Variants in EYA2 observed in about 807,000 individuals in gnomAD.
EYA2 encodes protein phosphatase EYA2.
In EYA2, 31 loss-of-function variants were observed where a neutral mutation model predicts 69.2. That is an observed-to-expected ratio of 0.45 (90% CI 0.34 to 0.60). The LOEUF (loss-of-function observed/expected upper bound fraction) is 0.60. Among genes scored for constraint, EYA2 ranks in the 20% least tolerant of loss-of-function variants. The pLI is 0.02. For missense variants in EYA2, 622 were observed against 701.2 expected (o/e 0.89, Z 1.28); for synonymous variants, 257 against 279.4 (o/e 0.92, Z 0.80).
chr20:46,982,699 C>T (rs902833905), intron 1 of EYA2, among the ~76,000 whole-genome samples: 2 of 151,918 alleles, frequency 1.3e-5, no homozygotes, highest in Non-Finnish European at 2.9e-5. Context: ...CTTTCATCTG[C>T]TACATCCAGT....
chr20:47,130,261 C>CTTTTTTTTTTTTTTTTG (rs2033306437), intron 9 of EYA2, among the ~76,000 whole-genome samples: 1 of 81,260 alleles, frequency 1.2e-5, no homozygotes, highest in Non-Finnish European at 2.2e-5. Flanking sequence ...GGTTTATTTT[C>CTTTTTTTTTTTTTTTTG]TTTTTTTTTT....
intron 1 of EYA2, among the ~76,000 whole-genome samples, chr20:46,940,245 C>A (rs1051283208): frequency 1.3e-5 from 2 of 152,212 alleles, no homozygotes; most frequent in Non-Finnish European, 1.5e-5. Context: ...GTATTGAGCA[C>A]TTACTGTGTG....
At position 47,091,601 on chromosome 20, in the gene EYA2, C is replaced by T. The variant is rs567652684; in HGVS notation, c.804+2220C>T. Among the ~76,000 whole-genome samples the T allele has an allele frequency of 4.2e-3, 609 of 144,058 alleles. 3 individuals are homozygous for T. Among genetic ancestry groups the T allele is most frequent in the African/African-American group, 0.015 (581 of 39,364 alleles). The allele number at this position is 144,058 out of a possible 152,430, so 94.5% of individuals were successfully genotyped here. A position where few individuals can be genotyped will look rare whatever the true frequency, so the allele number is the denominator to read the frequency against. On this transcript the variant is annotated intron_variant, in intron 8 of 15. Transcript: ENST00000327619. ...CAAAAAAAAAAAAAAAAAAAAAAGC[C>T]AGCCATGGTGGCACACACCTGTAGT... is the stretch of plus-strand genomic sequence containing the variant.
chr20:47,063,396 T>C (rs1350140675), intron 5 of EYA2, among the ~76,000 whole-genome samples: 199 of 75,132 alleles, frequency 2.6e-3, no homozygotes, highest in African/African-American at 0.011. Context: ...CGTGTGCGTG[T>C]GTGTGTGTGT....
chr20:46,909,432 G>A (rs1203487383), intron 1 of EYA2, among the ~76,000 whole-genome samples: 4 of 152,074 alleles, frequency 2.6e-5, no homozygotes, highest in African/African-American at 7.2e-5. Flanking sequence ...TGAAATCATC[G>A]TCGGCCTCCC....
chr20:46,963,701 C>A (rs1979618989), intron 1 of EYA2, among the ~76,000 whole-genome samples: 1 of 152,236 alleles, frequency 6.6e-6, no homozygotes, highest in Non-Finnish European at 1.5e-5. Flanking sequence ...CAAGGTGGTT[C>A]TGATGTGCAA....
chr20:47,064,046 C>T (rs550733610), intron 5 of EYA2, among the ~76,000 whole-genome samples: 1 of 152,336 alleles, frequency 6.6e-6, no homozygotes, highest in African/African-American at 2.4e-5. Flanking sequence ...GCTTCAACTT[C>T]CCAGGCTCAG....
chr20:47,067,519 T>C (rs1230371686), intron 5 of EYA2, among the ~76,000 whole-genome samples: 1 of 151,114 alleles, frequency 6.6e-6, no homozygotes, highest in Non-Finnish European at 1.5e-5. Flanking sequence ...ATTTGATCAT[T>C]ACACATTGCA....
chr20:47,146,620 T>C (rs1349755500), intron 10 of EYA2, among the ~76,000 whole-genome samples: 3 of 152,214 alleles, frequency 2.0e-5, no homozygotes, highest in Admixed American at 6.5e-5. Context: ...TGAAAACATA[T>C]TGTTTGTTGG....
chr20:47,088,440 TGA>T (rs941296684), intron 7 of EYA2, among the ~76,000 whole-genome samples: 3 of 152,122 alleles, frequency 2.0e-5, no homozygotes, highest in Non-Finnish European at 4.4e-5. Flanking sequence ...GATTTCAGAT[TGA>T]GAGAGTTGTA....
At chr20:46,978,601 A>G in intron 1 of EYA2, 1 of 534,818 alleles carries the variant, frequency 1.9e-6, no homozygotes, top group Non-Finnish European at 3.8e-6. Flanking sequence ...TCTTAAGAGC[A>G]ATGGAAAGCC....
rs137879567 is a variant in EYA2 at position 46,918,499 on chromosome 20, G to C, written c.-11+23512G>C. Among the ~76,000 whole-genome samples, 52 of 152,176 alleles carry C rather than the reference G, an allele frequency of 3.4e-4. 1 individual carries two copies. The East Asian group carries it at 9.0e-3, about 26-fold the overall frequency. Reference sequence around the variant, plus strand: ...ATTTTTTTTAGTTTAGTAGAGACGGGTTTCACCAGGTTACCCAGAGTGGTC... The same window carrying C: ...ATTTTTTTTAGTTTAGTAGAGACGGCTTTCACCAGGTTACCCAGAGTGGTC... On this transcript the variant is annotated intron_variant, in intron 1 of 15. Coordinates refer to ENST00000327619, the MANE Select transcript of EYA2 (RefSeq NM_005244.5).
intron 10 of EYA2, among the ~76,000 whole-genome samples, chr20:47,156,181 T>A (rs1600752082): frequency 1.1e-5 from 1 of 89,270 alleles, no homozygotes; most frequent in Non-Finnish European, 2.2e-5. Flanking sequence ...TATATATATA[T>A]ATATTAGCCG....
chr20:47,137,218 A>G (rs958660106), intron 9 of EYA2, among the ~76,000 whole-genome samples: 2 of 152,200 alleles, frequency 1.3e-5, no homozygotes, highest in African/African-American at 2.4e-5. Flanking sequence ...AATCCAAAGA[A>G]TATGTAATGC....
At chr20:47,166,226 C>T (rs1004997489) in intron 10 of EYA2, among the ~76,000 whole-genome samples, 1 of 151,312 alleles carries the variant, frequency 6.6e-6, no homozygotes, top group Non-Finnish European at 1.5e-5. Context: ...ATAGCAAAAC[C>T]TCATCTCTAC....
intron 1 of EYA2, among the ~76,000 whole-genome samples, chr20:46,902,066 A>G (rs1477945743): frequency 6.6e-6 from 1 of 152,206 alleles, no homozygotes; most frequent in Admixed American, 6.5e-5. Context: ...TCAGGCACCC[A>G]CAAGAAAGAC....
intron 1 of EYA2, among the ~76,000 whole-genome samples, chr20:46,984,027 T>TA (rs1981014479): frequency 6.6e-6 from 1 of 152,314 alleles, no homozygotes; most frequent in South Asian, 2.1e-4. Flanking sequence ...GTTGGACAGT[T>TA]TAATACATAT....
chr20:46,915,038 G>T (rs113477002), intron 1 of EYA2, among the ~76,000 whole-genome samples: 260 of 152,324 alleles, frequency 1.7e-3, no homozygotes, highest in African/African-American at 5.8e-3. Flanking sequence ...GCCTCTGTCC[G>T]TGTTTCTGCT....
chr20:46,921,153 A>G (rs1329333845), intron 1 of EYA2, among the ~76,000 whole-genome samples: 4 of 152,178 alleles, frequency 2.6e-5, no homozygotes, highest in Non-Finnish European at 4.4e-5. Context: ...GCGCCTTCTC[A>G]GTGGGGAGGC....
Sources: gnomAD v4.1 joint callset for allele counts (sites outside exome capture counted in the v4.1 genomes callset) on GRCh38, gnomAD v4.1.1 for gene constraint, MANE v1.5 for transcripts, NCBI Gene and HGNC (gene_info 2026-07-23, HGNC 2026-07-21) for gene names.